Variants in ABTB3 observed in about 807,000 individuals in gnomAD.
ABTB3 encodes the protein ankyrin repeat- and BTB/POZ domain-containing protein 3.
At chr12:107,320,943 T>G in the ABTB3 span, among the ~76,000 whole-genome samples, 2 of 152,094 alleles carry the variant, frequency 1.3e-5, no homozygotes, top group Non-Finnish European at 2.9e-5. Context: ...CCCCACTGTT[T>G]TGAAGGCCTG....
the ABTB3 span, among the ~76,000 whole-genome samples, chr12:107,511,248 A>C: frequency 6.6e-6 from 1 of 152,240 alleles, no homozygotes; most frequent in Non-Finnish European, 1.5e-5. Context: ...AAAGCATTTT[A>C]AGACAACAAG....
chr12:107,439,145 C>T, the ABTB3 span, among the ~76,000 whole-genome samples: 6 of 152,276 alleles, frequency 3.9e-5, no homozygotes, highest in South Asian at 2.1e-4. Flanking sequence ...AATAATCACG[C>T]GTCTTTAATG....
chr12:107,573,466 A>ATGGATGGG, the ABTB3 span, among the ~76,000 whole-genome samples: 12,540 of 147,330 alleles, frequency 0.085, 594 homozygotes, highest in Middle Eastern at 0.11. Context: ...GGATGAATCG[A>ATGGATGGG]TGGATGGATG....
the ABTB3 span, among the ~76,000 whole-genome samples, chr12:107,438,381 G>A: frequency 6.6e-6 from 1 of 152,150 alleles, no homozygotes; most frequent in Non-Finnish European, 1.5e-5. Flanking sequence ...TTCAAAAATG[G>A]TCTTCCATCC....
the ABTB3 span, among the ~76,000 whole-genome samples, chr12:107,391,743 G>T: frequency 6.6e-6 from 1 of 152,298 alleles, no homozygotes; most frequent in African/African-American, 2.4e-5. Flanking sequence ...TGTGCATGTT[G>T]GTAGTGGCTC....
the ABTB3 span, among the ~76,000 whole-genome samples, chr12:107,329,377 C>T: frequency 6.6e-6 from 1 of 152,126 alleles, no homozygotes; most frequent in African/African-American, 2.4e-5. Context: ...TGGTAGCGCT[C>T]CCTCATAAAG....
the ABTB3 span, among the ~76,000 whole-genome samples, chr12:107,464,306 G>A: frequency 6.7e-6 from 1 of 150,136 alleles, no homozygotes; most frequent in Non-Finnish European, 1.5e-5. Context: ...GGTGGTGACT[G>A]TTTTTGTTTT....
At chr12:107,542,084 C>T in the ABTB3 span, among the ~76,000 whole-genome samples, 43 of 152,074 alleles carry the variant, frequency 2.8e-4, no homozygotes, top group African/African-American at 7.7e-4. Context: ...CCAAGGCGGG[C>T]GGATCACCTG....
At chr12:107,343,102 C>T in the ABTB3 span, among the ~76,000 whole-genome samples, 2 of 152,200 alleles carry the variant, frequency 1.3e-5, no homozygotes, top group Non-Finnish European at 2.9e-5. Context: ...GCAGCCTCGA[C>T]CCCCCAGGCC....
At chr12:107,582,770 T>C in the ABTB3 span, among the ~76,000 whole-genome samples, 4 of 152,318 alleles carry the variant, frequency 2.6e-5, no homozygotes, top group African/African-American at 7.2e-5. Context: ...CACCGGACTG[T>C]GCTGCCTCCT....
At chr12:107,361,645 C>T in the ABTB3 span, among the ~76,000 whole-genome samples, 16 of 152,240 alleles carry the variant, frequency 1.1e-4, no homozygotes, top group Non-Finnish European at 1.6e-4. Context: ...TTGAGAGGAT[C>T]TGATAAATAA....
chr12:107,568,025 A>G, the ABTB3 span, among the ~76,000 whole-genome samples: 1 of 152,228 alleles, frequency 6.6e-6, no homozygotes, highest in East Asian at 1.9e-4. Context: ...ATTTCTCAGA[A>G]TGTATCCTGG....
chr12:107,615,719 C>T, the ABTB3 span, among the ~76,000 whole-genome samples: 5 of 152,354 alleles, frequency 3.3e-5, no homozygotes, highest in East Asian at 7.7e-4. Flanking sequence ...GACATGTCCT[C>T]ATTGGAGGTC....
the ABTB3 span, among the ~76,000 whole-genome samples, chr12:107,442,554 G>A: frequency 2.6e-5 from 4 of 152,356 alleles, no homozygotes; most frequent in South Asian, 6.2e-4. Context: ...AAACAGAGAT[G>A]TAAGTAAAGA....
the ABTB3 span, chr12:107,657,936 C>A: frequency 8.5e-6 from 5 of 589,376 alleles, no homozygotes; most frequent in Admixed American, 1.2e-4. Flanking sequence ...ACTGGACAAC[C>A]AAGTTAACCC....
At chr12:107,514,732 G>A in the ABTB3 span, among the ~76,000 whole-genome samples, 1 of 151,966 alleles carries the variant, frequency 6.6e-6, no homozygotes, top group Non-Finnish European at 1.5e-5. Flanking sequence ...TTAAACCCTG[G>A]TATATAATCT....
the ABTB3 span, among the ~76,000 whole-genome samples, chr12:107,416,051 T>G: frequency 5.9e-5 from 9 of 152,194 alleles, no homozygotes; most frequent in Non-Finnish European, 1.3e-4. Flanking sequence ...TTCTGGAGTC[T>G]GAAATAATTC....
the ABTB3 span, chr12:107,581,240 G>A: frequency 3.3e-6 from 5 of 1,526,630 alleles, no homozygotes; most frequent in Non-Finnish European, 4.4e-6. Context: ...CATGGACAGC[G>A]ACGACGTCCG....
the ABTB3 span, among the ~76,000 whole-genome samples, chr12:107,418,314 G>A: frequency 4.6e-5 from 7 of 152,190 alleles, no homozygotes; most frequent in Non-Finnish European, 7.3e-5. Flanking sequence ...TTTGGGACTC[G>A]GACTGGCTTC....
Sources: allele counts gnomAD v4.1 joint callset (sites outside exome capture counted in the v4.1 genomes callset), GRCh38; gene constraint gnomAD v4.1.1; transcripts MANE v1.5; gene names NCBI Gene and HGNC (gene_info 2026-07-23, HGNC 2026-07-21).